Variants in TRERF1 observed in about 807,000 individuals in gnomAD.
TRERF1 encodes transcriptional-regulating factor 1.
Under a neutral mutation model 122.9 loss-of-function variants are expected in TRERF1, and 27 were observed. That is an observed-to-expected ratio of 0.22 (90% confidence interval 0.16 to 0.30). TRERF1 has a LOEUF of 0.30. Ranked by LOEUF, TRERF1 falls within the 10% of genes least tolerant of loss-of-function variation. The pLI is 1.00. For synonymous variants in TRERF1, 636 were observed against 641.7 expected, an observed-to-expected ratio of 0.99 and a Z score of 0.13; for missense variants, 1,248 against 1,560.3, an observed-to-expected ratio of 0.80 and a Z score of 3.37.
chr6:42,233,755 T>C lies in TRERF1; in HGVS notation c.3067-863A>G, dbSNP rs534719994. ...CTAGAATGGAGACAGTGCCCCAGAA[T>C]TGCGCCTGTTTGCTCAGCTCTATCT... On this transcript the variant is annotated intron_variant, in intron 16 of 17. Transcript: ENST00000372922. 3.9e-5 allele frequency among the ~76,000 whole-genome samples: 6 copies of C among 152,300 alleles called. No individual in the cohort carries two copies. The South Asian group carries it at 1.0e-3, about 26-fold the overall frequency.
chr6:42,235,657 C>T (rs1057081033), intron 16 of TRERF1, among the ~76,000 whole-genome samples: 4 of 152,084 alleles, frequency 2.6e-5, no homozygotes, highest in Non-Finnish European at 5.9e-5. Context: ...CCATAGAGTA[C>T]AAAGATAAAC....
At chr6:42,299,094 ATCTG>A (rs1226466373) in intron 4 of TRERF1, among the ~76,000 whole-genome samples, 7 of 143,154 alleles carry the variant, frequency 4.9e-5, no homozygotes, top group East Asian at 4.1e-4. Context: ...CTATCTATCT[ATCTG>A]TCTGTCTGTC....
chr6:42,379,454 C>T (rs531332731), intron 2 of TRERF1, among the ~76,000 whole-genome samples: 14 of 152,236 alleles, frequency 9.2e-5, no homozygotes, highest in African/African-American at 3.1e-4. Flanking sequence ...ATCTTTCCTT[C>T]CTCCCCTCCC....
chr6:42,256,887 C>T, intron 11 of TRERF1, 56 bp from the exon 12 acceptor site: 5 of 1,613,338 alleles, frequency 3.1e-6, no homozygotes, highest in Non-Finnish European at 4.2e-6. Context: ...TAATGGAAAA[C>T]ACACCAATCC....
rs1291322171 is a variant in TRERF1, at chr6:42,374,149, AAAAGAAG to A, written c.-453-11077_-453-11071del. ...TCTGTCTTTTTTTTAAAAAAAAAAA[AAAAGAAG>A]AAGAAGAAGAAGAAGAAGAAGAAGG... On this transcript the variant is annotated intron_variant, in intron 2 of 17. Coordinates refer to ENST00000372922, the Ensembl canonical transcript of TRERF1. 7.2e-3 allele frequency among the ~76,000 whole-genome samples: 1,047 copies of A among 145,864 alleles called. 27 individuals are homozygous for A. In the East Asian group the frequency reaches 0.1, roughly 14 times the overall value.
At chr6:42,332,727 T>C (rs1438457319) in intron 3 of TRERF1, among the ~76,000 whole-genome samples, 3 of 152,242 alleles carry the variant, frequency 2.0e-5, no homozygotes, top group Non-Finnish European at 4.4e-5. Context: ...CTGGTTTCTT[T>C]GGGACAGTCA....
chr6:42,279,064 AG>A (rs1781803988), intron 4 of TRERF1, among the ~76,000 whole-genome samples: 1 of 152,214 alleles, frequency 6.6e-6, no homozygotes, highest in African/African-American at 2.4e-5. Flanking sequence ...AAGGACCCCA[AG>A]GAATGTCACA....
intron 2 of TRERF1, among the ~76,000 whole-genome samples, chr6:42,434,673 C>CAGACAG (rs777905436): frequency 1.2e-4 from 13 of 109,952 alleles, no homozygotes; most frequent in Admixed American, 5.7e-4. Flanking sequence ...CTCCACCACA[C>CAGACAG]ACACACACAC....
At chr6:42,341,189 T>C (rs1767237820) in intron 3 of TRERF1, among the ~76,000 whole-genome samples, 1 of 152,258 alleles carries the variant, frequency 6.6e-6, no homozygotes, top group South Asian at 2.1e-4. Flanking sequence ...CTCTGTGTGA[T>C]GTTAAGCATA....
intron 3 of TRERF1, among the ~76,000 whole-genome samples, chr6:42,305,621 G>C (rs1333623174): frequency 2.0e-5 from 3 of 152,174 alleles, no homozygotes; most frequent in Non-Finnish European, 4.4e-5. Flanking sequence ...GGTTCAGCCA[G>C]GGGAAGGGAG....
chr6:42,314,867 G>A (rs1762231102), intron 3 of TRERF1, among the ~76,000 whole-genome samples: 1 of 152,330 alleles, frequency 6.6e-6, no homozygotes, highest in East Asian at 1.9e-4. Flanking sequence ...AACAAGGTCA[G>A]AGATTCTAAA....
chr6:42,418,262 C>CTT (rs1782191831), intron 2 of TRERF1, among the ~76,000 whole-genome samples: 1 of 5,464 alleles, frequency 1.8e-4, no homozygotes, highest in Non-Finnish European at 4.3e-4. Flanking sequence ...CTCTTTCTTT[C>CTT]TTTCTTTTTT....
intron 13 of TRERF1, among the ~76,000 whole-genome samples, chr6:42,250,964 A>C (rs532891584): frequency 7.9e-6 from 1 of 126,790 alleles, no homozygotes; most frequent in Non-Finnish European, 1.7e-5. Context: ...TAAAACTTCT[A>C]TTATAATTTT....
At chr6:42,400,645 G>C (rs1020457503) in intron 2 of TRERF1, among the ~76,000 whole-genome samples, 1 of 152,126 alleles carries the variant, frequency 6.6e-6, no homozygotes, top group Non-Finnish European at 1.5e-5. Context: ...AGAAGCAAGG[G>C]GGCTCCACTC....
At chr6:42,352,785 T>C (rs1054489844) in intron 3 of TRERF1, among the ~76,000 whole-genome samples, 90 of 152,152 alleles carry the variant, frequency 5.9e-4, no homozygotes, top group African/African-American at 2.2e-3. Context: ...GTAAATGATA[T>C]ATAAAAAGAT....
At chr6:42,310,581 C>A (rs1217345409) in intron 3 of TRERF1, among the ~76,000 whole-genome samples, 1 of 152,180 alleles carries the variant, frequency 6.6e-6, no homozygotes, top group African/African-American at 2.4e-5. Context: ...GTAGAGGCCA[C>A]GGATGCTGCT....
chr6:42,357,121 G>T (rs970758414), intron 3 of TRERF1, among the ~76,000 whole-genome samples: 8 of 151,752 alleles, frequency 5.3e-5, no homozygotes, highest in African/African-American at 1.9e-4. Context: ...ACGAGGTCAG[G>T]AGTTCGAGAC....
At chr6:42,408,341 A>T (rs1156790271) in intron 2 of TRERF1, among the ~76,000 whole-genome samples, 9 of 124,066 alleles carry the variant, frequency 7.3e-5, no homozygotes, top group Non-Finnish European at 1.2e-4. Flanking sequence ...ATATACATAC[A>T]CGTGTGTGTG....
chr6:42,433,180 A>G (rs954091097), intron 2 of TRERF1, among the ~76,000 whole-genome samples: 5 of 152,144 alleles, frequency 3.3e-5, no homozygotes, highest in Non-Finnish European at 5.9e-5. Flanking sequence ...GGTGCAAGGA[A>G]CACAGAGGCA....
Sources: gnomAD v4.1 joint callset for allele counts (sites outside exome capture counted in the v4.1 genomes callset) on GRCh38, gnomAD v4.1.1 for gene constraint, MANE v1.5 for transcripts, NCBI Gene and HGNC (gene_info 2026-07-23, HGNC 2026-07-21) for gene names.